SPICE1: variants seen among roughly 807,000 people sequenced by gnomAD.
The protein encoded by SPICE1 is spindle and centriole associated protein 1, also known as spindle and centriole-associated protein 1.
A neutral mutation model predicts 102.7 loss-of-function variants in SPICE1; 75 were observed. The ratio of observed to expected loss-of-function variants is 0.73; its 90% confidence interval spans 0.61 to 0.88. The LOEUF is 0.88. Among genes scored for constraint, SPICE1 ranks in the 40% least tolerant of loss-of-function variants. SPICE1 has a pLI of 0.00. For missense variants in SPICE1, 979 were observed against 1,020.1 expected (o/e 0.96, Z 0.55); for synonymous variants, 308 against 350.3 (o/e 0.88, Z 1.35).
chr3:113,463,397 T>G (rs1460664130), intron 11 of SPICE1, among the ~76,000 whole-genome samples: 4 of 152,230 alleles, frequency 2.6e-5, no homozygotes, highest in Non-Finnish European at 5.9e-5. Flanking sequence ...TTAAGTAAAT[T>G]AGTACATTTT....
At chr3:113,472,900 C>G (rs1936241823) in intron 7 of SPICE1, among the ~76,000 whole-genome samples, 2 of 152,334 alleles carry the variant, frequency 1.3e-5, no homozygotes, top group South Asian at 4.1e-4. Context: ...CAAAGGAACG[C>G]AGTTCCTCAC....
chr3:113,468,973 CA>C, intron 8 of SPICE1, 74 bp from the exon 9 acceptor site: 2 of 1,565,528 alleles, frequency 1.3e-6, no homozygotes, highest in Admixed American at 3.9e-5. Context: ...TTGACAGATC[CA>C]TCAGTATTTT....
At chr3:113,461,399 T>C (rs1935931629) in intron 11 of SPICE1, among the ~76,000 whole-genome samples, 1 of 151,842 alleles carries the variant, frequency 6.6e-6, no homozygotes, top group Non-Finnish European at 1.5e-5. Context: ...CAAAATACCA[T>C]ACCCATAGAT....
intron 13 of SPICE1, among the ~76,000 whole-genome samples, chr3:113,456,833 T>C (rs1352204898): frequency 6.6e-6 from 1 of 152,184 alleles, no homozygotes; most frequent in African/African-American, 2.4e-5. Flanking sequence ...GAAATGCTCC[T>C]GGACCATAGG....
intron 12 of SPICE1, among the ~76,000 whole-genome samples, chr3:113,457,964 C>A (rs555976109): frequency 2.0e-5 from 3 of 152,196 alleles, no homozygotes; most frequent in Non-Finnish European, 4.4e-5. Context: ...ATGCACTGAC[C>A]TCCATATATA....
In SPICE1 at chr3:113,459,550, A is replaced by G. The variant is rs192878766; in HGVS notation, c.1435+1067T>C. 7.1e-6 allele frequency: 7 copies of G among 985,452 alleles called. No homozygotes were observed. The East Asian group carries it at 7.9e-4, about 112-fold the overall frequency. 61.0% of individuals were successfully genotyped at this position (985,452 alleles called of 1,614,324 possible). ...TTCTCAGTAGTGAAGCTTAATTCAG[A>G]TAATAGTAAAACACTAACATATTCC... is the stretch of plus-strand genomic sequence containing the variant. On this transcript the variant is annotated intron_variant, in intron 12 of 17. Coordinates refer to ENST00000295872, the MANE Select transcript of SPICE1 (RefSeq NM_144718.4).
chr3:113,466,319 C>G (rs141606803), intron 10 of SPICE1, among the ~76,000 whole-genome samples: 9 of 152,112 alleles, frequency 5.9e-5, no homozygotes, highest in African/African-American at 2.2e-4. Flanking sequence ...TAAAAGTACA[C>G]GCTTCTGGTC....
chr3:113,455,366 G>A (rs932213644), intron 13 of SPICE1, among the ~76,000 whole-genome samples: 2 of 152,146 alleles, frequency 1.3e-5, no homozygotes, highest in African/African-American at 4.8e-5. Flanking sequence ...TATTTATGAT[G>A]GGAAATTCTA....
At chr3:113,448,278 C>T in intron 15 of SPICE1, 138 bp from the exon 16 acceptor site, 1 of 655,886 alleles carries the variant, frequency 1.5e-6, no homozygotes, top group Non-Finnish European at 2.3e-6. Flanking sequence ...CCAAGATACA[C>T]TTGAAAGACT....
intron 9 of SPICE1, 151 bp downstream of exon 9, chr3:113,468,611 T>C: frequency 9.5e-7 from 1 of 1,057,644 alleles, no homozygotes; most frequent in Non-Finnish European, 1.3e-6. Context: ...GAGTTACATG[T>C]GGTAGGAGAC....
intron 12 of SPICE1, among the ~76,000 whole-genome samples, chr3:113,458,528 G>A (rs1236333475): frequency 1.3e-5 from 2 of 152,220 alleles, no homozygotes; most frequent in Non-Finnish European, 2.9e-5. Flanking sequence ...ATGTTGCCCA[G>A]GCTGGAGTGC....
chr3:113,447,575 C>T (rs1224685823), intron 16 of SPICE1, among the ~76,000 whole-genome samples: 5 of 152,088 alleles, frequency 3.3e-5, no homozygotes, highest in South Asian at 2.1e-4. Context: ...AAGAGTAACA[C>T]GACCTGGAAC....
chr3:113,508,874 T>C (rs1045606739), intron 1 of SPICE1, among the ~76,000 whole-genome samples: 1 of 152,010 alleles, frequency 6.6e-6, no homozygotes, highest in East Asian at 1.9e-4. Flanking sequence ...AACTGATGAA[T>C]GTATTAATAA....
intron 8 of SPICE1, 21 bp downstream of exon 8, chr3:113,469,078 T>A (rs778226007): frequency 6.2e-7 from 1 of 1,604,538 alleles, no homozygotes; most frequent in South Asian, 1.1e-5. Context: ...CACCTAGAAA[T>A]AATGCAAAAG....
chr3:113,451,712 G>A (rs751955639), intron 14 of SPICE1, among the ~76,000 whole-genome samples: 1 of 152,116 alleles, frequency 6.6e-6, no homozygotes, highest in East Asian at 1.9e-4. Context: ...ACTCAAAATT[G>A]AGGCAGTTGA....
chr3:113,445,048 TTAAGA>T lies in SPICE1; in HGVS notation c.*254_*258del, dbSNP rs1305251223. On this transcript the variant is annotated 3_prime_UTR_variant, in exon 18 of 18. Coordinates refer to ENST00000295872, the MANE Select transcript of SPICE1 (RefSeq NM_144718.4). The stretch of plus-strand genomic sequence containing the variant: ...TTAATAAAAAAAACCCTTAAAATAC[TTAAGA>T]AAGTATTAAAATACAAAACTTTAAC... 3.4e-6 allele frequency: 1 copy of T among 290,514 alleles called. No individual in the cohort carries two copies. Among genetic ancestry groups the T allele is most frequent in the Non-Finnish European group, 6.3e-6 (1 of 159,224 alleles). The allele number at this position is 290,514 out of a possible 1,614,324, so 18.0% of individuals were successfully genotyped here.
At chr3:113,474,482 T>C (rs1267159021) in intron 7 of SPICE1, among the ~76,000 whole-genome samples, 4 of 152,156 alleles carry the variant, frequency 2.6e-5, no homozygotes, top group Non-Finnish European at 4.4e-5. Context: ...CAACAGAATA[T>C]ACATTTTTTT....
Position 113,493,625 on chromosome 3 carries a change from TA to T in SPICE1, c.386-314del, listed in dbSNP as rs1447218416. On this transcript the variant is annotated intron_variant, in intron 5 of 17. Coordinates refer to ENST00000295872, the MANE Select transcript of SPICE1 (RefSeq NM_144718.4). ...GGAATTCAAACCTTACATGAAAAACTAATGATGTTTCTAGAAGATTAAGATA... is the reference window on the plus strand; with the variant it reads ...GGAATTCAAACCTTACATGAAAAACTATGATGTTTCTAGAAGATTAAGATA... 4.6e-5 allele frequency among the ~76,000 whole-genome samples: 7 copies of T among 152,310 alleles called. No individual in the cohort carries two copies. In the East Asian group the frequency reaches 1.2e-3, roughly 25 times the overall value.
chr3:113,487,748 C>T (rs1267529514), intron 7 of SPICE1, among the ~76,000 whole-genome samples: 3 of 152,154 alleles, frequency 2.0e-5, no homozygotes, highest in Non-Finnish European at 2.9e-5. Flanking sequence ...AGGAACGTGG[C>T]AGACATCACT....
Sources: gnomAD v4.1 joint callset for allele counts (sites outside exome capture counted in the v4.1 genomes callset) on GRCh38, gnomAD v4.1.1 for gene constraint, MANE v1.5 for transcripts, NCBI Gene and HGNC (gene_info 2026-07-23, HGNC 2026-07-21) for gene names.